Variants in RYK observed in about 807,000 individuals in gnomAD.
RYK encodes receptor like tyrosine kinase, also known as inactive tyrosine-protein kinase RYK.
A neutral mutation model predicts 70.2 loss-of-function variants in RYK; 21 were observed. The ratio of observed to expected loss-of-function variants is 0.30; its 90% confidence interval spans 0.21 to 0.43. The LOEUF is 0.43. Ranked by LOEUF, RYK falls within the 20% of genes least tolerant of loss-of-function variation. The probability of loss-of-function intolerance (pLI) is 1.00; values close to 1 mark genes in which losing one functional copy is unlikely to be tolerated. For synonymous variants in RYK, 267 were observed against 278.0 expected (o/e 0.96, Z 0.39); for missense variants, 604 against 753.3 (o/e 0.80, Z 2.32).
chr3:134,210,143 C>T (rs2014344459), intron 3 of RYK, among the ~76,000 whole-genome samples: 1 of 152,134 alleles, frequency 6.6e-6, no homozygotes, highest in Non-Finnish European at 1.5e-5. Context: ...ATAAGTCCTG[C>T]TATTCCAGTA....
At chr3:134,168,022 G>A (rs1017294638) in intron 13 of RYK, among the ~76,000 whole-genome samples, 18 of 152,196 alleles carry the variant, frequency 1.2e-4, no homozygotes, top group Non-Finnish European at 2.2e-4. Context: ...ATGAAAAAAT[G>A]CTCATCATCA....
chr3:134,250,505 C>CG lies in RYK; in HGVS notation c.149dup (p.Arg51AlafsTer30), dbSNP rs2015586867. The CG allele has an allele frequency of 5.5e-6, 7 of 1,266,986 alleles. No homozygotes were observed. The highest frequency in any genetic ancestry group is 7.0e-6 in the Non-Finnish European group (7 of 1,005,422). 78.5% of individuals were successfully genotyped at this position (1,266,986 alleles called of 1,614,324 possible). ...AAGCCGACTGCAGCTCCGGGGGCCG[C>CG]GGGGCGGGGGCGGCGGCAGCGCCAG... On this transcript the variant is annotated frameshift_variant, in exon 1 of 15. Transcript: ENST00000623711. LOFTEE classifies it high-confidence loss of function.
At chr3:134,190,568 T>A (rs2013615372) in intron 8 of RYK, among the ~76,000 whole-genome samples, 1 of 151,796 alleles carries the variant, frequency 6.6e-6, no homozygotes, top group Non-Finnish European at 1.5e-5. Flanking sequence ...AAAAAAAAAA[T>A]CGCATGTAAC....
At chr3:134,249,846 A>G (rs1225068177) in intron 1 of RYK, among the ~76,000 whole-genome samples, 1 of 150,506 alleles carries the variant, frequency 6.6e-6, no homozygotes, top group African/African-American at 2.5e-5. Context: ...TATGCTCCAA[A>G]TCTACGTCCC....
intron 10 of RYK, among the ~76,000 whole-genome samples, chr3:134,182,046 T>C (rs1345729373): frequency 6.6e-6 from 1 of 151,612 alleles, no homozygotes; most frequent in African/African-American, 2.4e-5. Flanking sequence ...TCCCAGCTAC[T>C]CAGGAGGCTG....
At chr3:134,223,902 C>G (rs1023265608) in intron 1 of RYK, among the ~76,000 whole-genome samples, 1 of 152,150 alleles carries the variant, frequency 6.6e-6, no homozygotes, top group Non-Finnish European at 1.5e-5. Flanking sequence ...GAATATAGAC[C>G]TAGAAACAAA....
At chr3:134,233,346 C>A (rs575865960) in intron 1 of RYK, among the ~76,000 whole-genome samples, 1 of 152,074 alleles carries the variant, frequency 6.6e-6, no homozygotes, top group Non-Finnish European at 1.5e-5. Flanking sequence ...GATGTTATAA[C>A]AGAAATGTTT....
chr3:134,181,292 T>G (rs1406619614), intron 10 of RYK: 1 of 152,246 alleles, frequency 6.6e-6, no homozygotes. Flanking sequence ...ATATTCCAAC[T>G]GTTTCTTTCC....
At chr3:134,174,482 C>T (rs1379572551) in intron 13 of RYK, among the ~76,000 whole-genome samples, 2 of 152,066 alleles carry the variant, frequency 1.3e-5, no homozygotes, top group Non-Finnish European at 2.9e-5. Flanking sequence ...ACACAAAATA[C>T]AATGATACAG....
chr3:134,231,106 T>C (rs1295480397), intron 1 of RYK, among the ~76,000 whole-genome samples: 4 of 150,572 alleles, frequency 2.7e-5, no homozygotes, highest in Non-Finnish European at 4.4e-5. Flanking sequence ...CAGACACAGT[T>C]CAAAGTATCA....
At chr3:134,214,971 T>C (rs1001805691) in intron 2 of RYK, among the ~76,000 whole-genome samples, 8 of 152,230 alleles carry the variant, frequency 5.3e-5, no homozygotes, top group African/African-American at 1.7e-4. Context: ...GATATCTTAA[T>C]CGTCAATTTC....
chr3:134,197,945 C>T (rs1199477893), intron 6 of RYK, among the ~76,000 whole-genome samples: 3 of 152,096 alleles, frequency 2.0e-5, no homozygotes, highest in Non-Finnish European at 2.9e-5. Context: ...TTTTTCATTC[C>T]CTCAACAGAT....
intron 1 of RYK, among the ~76,000 whole-genome samples, chr3:134,248,467 C>A (rs1460666844): frequency 6.6e-6 from 1 of 152,148 alleles, no homozygotes; most frequent in African/African-American, 2.4e-5. Context: ...CAGACAAAAT[C>A]TTCATTTCAT....
intron 2 of RYK, 95 bp from the exon 3 acceptor site, chr3:134,211,702 G>A: frequency 1.3e-6 from 1 of 766,454 alleles, no homozygotes; most frequent in Non-Finnish European, 2.2e-6. Flanking sequence ...ATCAATGGAT[G>A]AGCCTTTCAT....
intron 2 of RYK, among the ~76,000 whole-genome samples, chr3:134,213,703 C>T (rs543328605): frequency 3.3e-5 from 5 of 152,310 alleles, no homozygotes; most frequent in African/African-American, 1.2e-4. Context: ...AACACCTGAC[C>T]CTCAGGGCCT....
At chr3:134,210,879 A>C (rs1185651435) in intron 3 of RYK, among the ~76,000 whole-genome samples, 1 of 152,234 alleles carries the variant, frequency 6.6e-6, no homozygotes, top group African/African-American at 2.4e-5. Flanking sequence ...AGGTGGCAGA[A>C]AAAAGACAGT....
intron 3 of RYK, among the ~76,000 whole-genome samples, chr3:134,210,343 A>G (rs2014352262): frequency 6.6e-6 from 1 of 152,200 alleles, no homozygotes; most frequent in African/African-American, 2.4e-5. Flanking sequence ...TCTCAACAGA[A>G]ATTGATTTTA....
In RYK at chr3:134,168,984, A is replaced by G. The variant is rs901787170; in HGVS notation, c.1575+6625T>C. Among the ~76,000 whole-genome samples the G allele has an allele frequency of 2.0e-5, 3 of 152,280 alleles. No individual in the cohort carries two copies. In the South Asian group the frequency reaches 6.2e-4, roughly 32 times the overall value. On this transcript the variant is annotated intron_variant, in intron 13 of 14. Transcript: ENST00000623711. ...AGTCATACGTAGCAATGTGCTGCAG[A>G]TGCAGTCTCTGGATAACTCCAGACT...
intron 9 of RYK, among the ~76,000 whole-genome samples, chr3:134,188,361 C>T (rs1264783202): frequency 6.6e-6 from 1 of 151,852 alleles, no homozygotes; most frequent in Non-Finnish European, 1.5e-5. Context: ...GGGGTTTCAC[C>T]ATGCTGGCCA....
Sources: allele counts gnomAD v4.1 joint callset (sites outside exome capture counted in the v4.1 genomes callset), GRCh38; gene constraint gnomAD v4.1.1; transcripts MANE v1.5; gene names NCBI Gene and HGNC (gene_info 2026-07-23, HGNC 2026-07-21).